Variants in ARHGEF18 observed in about 807,000 individuals in gnomAD.
ARHGEF18 encodes the protein rho guanine nucleotide exchange factor 18.
Under a neutral mutation model 155.7 loss-of-function variants are expected in ARHGEF18, and 93 were observed. The observed-to-expected ratio is 0.60, with a 90% CI of 0.50 to 0.71. ARHGEF18 has a LOEUF of 0.71. Ranked by LOEUF, ARHGEF18 falls within the 30% of genes least tolerant of loss-of-function variation. ARHGEF18 has a pLI of 0.00. For missense variants in ARHGEF18, 1,593 were observed against 1,816.1 expected (o/e 0.88, Z 2.23); for synonymous variants, 742 against 753.1 (o/e 0.99, Z 0.24).
intron 10 of ARHGEF18, among the ~76,000 whole-genome samples, chr19:7,437,705 A>G (rs1002053695): frequency 2.0e-5 from 3 of 149,694 alleles, no homozygotes; most frequent in Admixed American, 6.7e-5. Context: ...GTGCGGTGGC[A>G]TGATGTCAGC....
chr19:7,362,227 GGAA>G lies in ARHGEF18; in HGVS notation c.-110-545_-110-543del, dbSNP rs141307459. ...GAAGGAGAAAAGAAGAGGAAGAAGA[GGAA>G]GAAGAAGACAAGAAGAGGAAGAGGA... On this transcript the variant is annotated intron_variant, in intron 1 of 28. Coordinates refer to ENST00000668164, the MANE Select transcript of ARHGEF18 (RefSeq NM_001367823.1). Among the ~76,000 whole-genome samples, 61 of 128,840 alleles carry G rather than the reference GGAA, an allele frequency of 4.7e-4. 6 individuals are homozygous for G. Among genetic ancestry groups the G allele is most frequent in the African/African-American group, 2.1e-3 (52 of 24,620 alleles). 84.5% of individuals were successfully genotyped at this position (128,840 alleles called of 152,430 possible).
chr19:7,447,950 A>C (rs750261833), intron 15 of ARHGEF18, among the ~76,000 whole-genome samples: 16 of 152,184 alleles, frequency 1.1e-4, no homozygotes, highest in Admixed American at 3.3e-4. Context: ...GCAACATAGC[A>C]AGATCCCATC....
At chr19:7,372,737 G>C (rs1970261940) in intron 2 of ARHGEF18, 75 bp from the exon 3 acceptor site, 2 of 1,220,756 alleles carry the variant, frequency 1.6e-6, no homozygotes. Flanking sequence ...CAGGGACCTT[G>C]TGGTCAAGAG....
intron 10 of ARHGEF18, among the ~76,000 whole-genome samples, chr19:7,425,803 C>T (rs1253340600): frequency 1.3e-5 from 2 of 152,066 alleles, no homozygotes; most frequent in Non-Finnish European, 2.9e-5. Context: ...AGTTCAAGAC[C>T]AGCCTGGGCA....
chr19:7,364,420 C>A (rs1342027948), intron 2 of ARHGEF18, among the ~76,000 whole-genome samples: 2 of 83,668 alleles, frequency 2.4e-5, no homozygotes, highest in Non-Finnish European at 5.5e-5. Context: ...CTGACTAAAA[C>A]CAAATACAGC....
intron 10 of ARHGEF18, among the ~76,000 whole-genome samples, chr19:7,438,078 CCCTCCCTTCCCCTCT>C (rs1430302639): frequency 1.7e-3 from 229 of 138,006 alleles, no homozygotes; most frequent in Non-Finnish European, 2.8e-3. Flanking sequence ...CCCTCCCCTC[CCCTCCCTTCCCCTCT>C]CCTCCCTTCT....
rs1189062651 is a variant in ARHGEF18, at chr19:7,444,448, T to G, written c.1605T>G (p.Val535=). ...YVIQKIGDLL[V]QQFSGENGER... ...TCCAGAAAATCGGCGACCTCCTGGTTCAGCAGGTGGGTGCAGCCGTGTTCA... is the reference window on the plus strand; with the variant it reads ...TCCAGAAAATCGGCGACCTCCTGGTGCAGCAGGTGGGTGCAGCCGTGTTCA... The change falls in exon 14 of 29, where the codon GTT becomes GTG. Residue 535 remains valine (V), a synonymous_variant. Transcript: ENST00000668164. The surrounding 1 kb of genome is among the most constrained non-coding windows in gnomAD (Gnocchi z 4.7). 1 of 1,613,346 alleles carries G rather than the reference T, an allele frequency of 6.2e-7. No homozygotes were observed. The highest frequency in any genetic ancestry group is 2.2e-5 in the East Asian group (1 of 44,882).
At position 7,471,176 on chromosome 19, in the gene ARHGEF18, G is replaced by C; in HGVS notation, c.*878G>C. 4.7e-6 allele frequency: 1 copy of C among 211,224 alleles called. No homozygotes were observed. The highest frequency in any genetic ancestry group is 1.9e-4 in the South Asian group (1 of 5,348). 13.1% of individuals were successfully genotyped at this position (211,224 alleles called of 1,614,324 possible). ...TCAGCCCCCGGGAAATGAGCTCCCA[G>C]GGCTGGCGTCCCACCTTCCAGGTGG... On this transcript the variant is annotated 3_prime_UTR_variant, in exon 29 of 29. Transcript: ENST00000668164. This position sits in a 1 kb window ranked among gnomAD's most constrained non-coding sequence, Gnocchi z 4.4.
chr19:7,370,734 A>T (rs1206230202), intron 2 of ARHGEF18, among the ~76,000 whole-genome samples: 1 of 152,126 alleles, frequency 6.6e-6, no homozygotes, highest in Non-Finnish European at 1.5e-5. Flanking sequence ...ATGGAATACA[A>T]TTCAACCTTA....
chr19:7,477,342 C>T (rs144230456), downstream of ARHGEF18: 176 of 1,557,964 alleles, frequency 1.1e-4, no homozygotes, highest in Middle Eastern at 3.4e-4. Context: ...AGCCAGTGCA[C>T]GGCGTTGGCC....
intron 3 of ARHGEF18, among the ~76,000 whole-genome samples, chr19:7,373,847 GA>G (rs1275838375): frequency 1.5e-4 from 18 of 118,260 alleles, no homozygotes; most frequent in African/African-American, 7.2e-4. Flanking sequence ...GCTCCTATGA[GA>G]ATTTTTTTTT....
chr19:7,456,294 T>G (rs1182161620), intron 17 of ARHGEF18, 33 bp from the exon 18 acceptor site: 1 of 1,610,358 alleles, frequency 6.2e-7, no homozygotes, highest in Admixed American at 1.7e-5. Context: ...CTATGGGACT[T>G]TTAAGATGCA....
At position 7,447,144 on chromosome 19, in the gene ARHGEF18, C is replaced by A; in HGVS notation, c.1713C>A (p.Asn571Lys). ...VSHYKLLLQQNKKFQNLIKKI... is the reference protein window; with the variant it reads ...VSHYKLLLQQKKKFQNLIKKI... ...ATTACAAGTTGCTGCTTCAGCAAAA[C>A]AAGAAATTTCAAAACTTGATCAAGG... is the stretch of plus-strand genomic sequence containing the variant. Residue 571 changes from asparagine (N) to lysine (K), a missense_variant, in exon 15 of 29, where the codon AAC becomes AAA. Physicochemically the swap from Asn to Lys is moderately conservative, Grantham distance 94. Coordinates refer to ENST00000668164, the MANE Select transcript of ARHGEF18 (RefSeq NM_001367823.1). 2 of 1,612,184 alleles carry A rather than the reference C, an allele frequency of 1.2e-6. No individual in the cohort carries two copies. The highest frequency in any genetic ancestry group is 1.7e-6 in the Non-Finnish European group (2 of 1,179,328).
intron 19 of ARHGEF18, among the ~76,000 whole-genome samples, chr19:7,459,559 A>T (rs1038344192): frequency 6.6e-6 from 1 of 152,052 alleles, no homozygotes; most frequent in Non-Finnish European, 1.5e-5. Context: ...TGGTGCCTTA[A>T]TCTGGTTCAG....
At chr19:7,448,738 G>A (rs563404813) in intron 15 of ARHGEF18, among the ~76,000 whole-genome samples, 31 of 152,132 alleles carry the variant, frequency 2.0e-4, no homozygotes, top group African/African-American at 2.6e-4. Flanking sequence ...CCCCCGGAGC[G>A]TGTAGAATGA....
At chr19:7,473,808 CAAAAAAAAAAAAA>C (rs35797777), downstream of ARHGEF18, among the ~76,000 whole-genome samples, 3 of 79,628 alleles carry the variant, frequency 3.8e-5, no homozygotes, top group South Asian at 4.5e-4. Flanking sequence ...GACTCCGTCT[CAAAAAAAAAAAAA>C]AAAAAAAAAA....
chr19:7,416,587 GGAT>G (rs1158590327), intron 10 of ARHGEF18, among the ~76,000 whole-genome samples: 1 of 136,816 alleles, frequency 7.3e-6, no homozygotes, highest in African/African-American at 2.8e-5. Flanking sequence ...GTTTTGGGGT[GGAT>G]GATATTTTAT....
chr19:7,397,454 G>A (rs939341345), intron 10 of ARHGEF18, among the ~76,000 whole-genome samples: 12 of 151,706 alleles, frequency 7.9e-5, no homozygotes, highest in African/African-American at 2.2e-4. Flanking sequence ...TTTTTGGGCC[G>A]GGTGCGGTGG....
At position 7,470,017 on chromosome 19, in the gene ARHGEF18, G is replaced by A. The variant is rs946071741; in HGVS notation, c.3901G>A (p.Ala1301Thr). 6.2e-7 allele frequency: 1 copy of A among 1,612,862 alleles called. No homozygotes were observed. ...SPILPGRHSP[A>T]PPPDPGFPAP... Reference sequence around the variant, plus strand: ...TATCCTGCCCGGCAGACACAGTCCTGCGCCCCCACCAGGTGAGCCCCCACC... The same window carrying A: ...TATCCTGCCCGGCAGACACAGTCCTACGCCCCCACCAGGTGAGCCCCCACC... The change falls in exon 28 of 29, where the codon GCG becomes ACG. Residue 1301 changes from alanine (A) to threonine (T), a missense_variant. Transcript: ENST00000668164. The surrounding 1 kb of genome is among the most constrained non-coding windows in gnomAD (Gnocchi z 5.9).
Sources: gnomAD v4.1 joint callset for allele counts (sites outside exome capture counted in the v4.1 genomes callset) on GRCh38, gnomAD v4.1.1 for gene constraint, Gnocchi (gnomAD v3.1) non-coding constraint, MANE v1.5 for transcripts, NCBI Gene and HGNC (gene_info 2026-07-23, HGNC 2026-07-21) for gene names.